CADPS2: variants seen among roughly 807,000 people sequenced by gnomAD.
The protein encoded by CADPS2 is calcium dependent secretion activator 2.
A neutral mutation model predicts 172.5 loss-of-function variants in CADPS2; 93 were observed. That is an observed-to-expected ratio of 0.54 (90% CI 0.46 to 0.64). The LOEUF (loss-of-function observed/expected upper bound fraction) is 0.64. Ranked by LOEUF, CADPS2 falls within the 30% of genes least tolerant of loss-of-function variation. The probability of loss-of-function intolerance (pLI) is 0.00; values close to 1 mark genes in which losing one functional copy is unlikely to be tolerated. For missense variants in CADPS2, 1,420 were observed against 1,565.9 expected, an observed-to-expected ratio of 0.91 and a Z score of 1.57; for synonymous variants, 546 against 555.2, an observed-to-expected ratio of 0.98 and a Z score of 0.23.
At chr7:122,414,304 T>C (rs2047636814) in intron 18 of CADPS2, among the ~76,000 whole-genome samples, 1 of 152,188 alleles carries the variant, frequency 6.6e-6, no homozygotes, top group Admixed American at 6.6e-5. Flanking sequence ...TTGACAAGCA[T>C]TTTAGTGATT....
chr7:122,839,166 C>G (rs571541600), intron 1 of CADPS2, among the ~76,000 whole-genome samples: 1 of 152,228 alleles, frequency 6.6e-6, no homozygotes, highest in East Asian at 1.9e-4. Flanking sequence ...CTGACAAAAA[C>G]AAGAAATGGG....
chr7:122,401,859 G>C (rs112196785), intron 20 of CADPS2, among the ~76,000 whole-genome samples: 2,142 of 152,036 alleles, frequency 0.014, 41 homozygotes, highest in African/African-American at 0.049. Context: ...GTGAGGGGTG[G>C]GACATTGGGG....
At chr7:122,681,114 C>A (rs1315019420) in intron 2 of CADPS2, among the ~76,000 whole-genome samples, 1 of 124,824 alleles carries the variant, frequency 8.0e-6, no homozygotes, top group Admixed American at 1.1e-4. Context: ...GAACATCACA[C>A]TCTGGGGACT....
At chr7:122,708,532 T>G (rs1486777972) in intron 2 of CADPS2, among the ~76,000 whole-genome samples, 1 of 2,298 alleles carries the variant, frequency 4.4e-4, no homozygotes, top group African/African-American at 1.3e-3. Flanking sequence ...TATATATATA[T>G]ATATATATAT....
chr7:122,381,542 A>G (rs913952536), intron 24 of CADPS2, among the ~76,000 whole-genome samples: 7 of 152,146 alleles, frequency 4.6e-5, no homozygotes, highest in Admixed American at 3.3e-4. Flanking sequence ...GAGCTTCTAC[A>G]TGTTAAACTT....
At chr7:122,746,945 G>A (rs1427145976) in intron 1 of CADPS2, among the ~76,000 whole-genome samples, 1 of 152,062 alleles carries the variant, frequency 6.6e-6, no homozygotes, top group East Asian at 1.9e-4. Context: ...TCTGCTTTAG[G>A]ACTCTCTTAT....
intron 20 of CADPS2, among the ~76,000 whole-genome samples, chr7:122,403,162 G>A (rs1401085289): frequency 6.6e-6 from 1 of 152,176 alleles, no homozygotes; most frequent in Non-Finnish European, 1.5e-5. Flanking sequence ...GTATCACCAA[G>A]GGTGATATTA....
intron 3 of CADPS2, among the ~76,000 whole-genome samples, chr7:122,642,751 A>C (rs944720980): frequency 3.3e-5 from 5 of 152,084 alleles, no homozygotes; most frequent in Non-Finnish European, 7.4e-5. Flanking sequence ...CCTTATGTTA[A>C]CATTGTCAAT....
At position 122,335,098 on chromosome 7, in the gene CADPS2, A is replaced by G. The variant is rs149823701; in HGVS notation, c.3613-9517T>C. Among the ~76,000 whole-genome samples the G allele has an allele frequency of 6.5e-3, 988 of 152,278 alleles. 11 individuals are homozygous for G. Among genetic ancestry groups the G allele is most frequent in the African/African-American group, 0.022 (905 of 41,552 alleles). On this transcript the variant is annotated intron_variant, in intron 28 of 29. Transcript: ENST00000449022. Reference sequence around the variant, plus strand: ...CAAGACCTGAAGTTTTAATCTCAACATTTCCCACCATTTTTTACACATAGT... The same window carrying G: ...CAAGACCTGAAGTTTTAATCTCAACGTTTCCCACCATTTTTTACACATAGT...
At chr7:122,348,059 G>C (rs2037961773) in intron 27 of CADPS2, among the ~76,000 whole-genome samples, 1 of 152,118 alleles carries the variant, frequency 6.6e-6, no homozygotes, top group South Asian at 2.1e-4. Context: ...AGTTGAACTG[G>C]GAGTTGAAGA....
chr7:122,419,044 C>G (rs1345085762), intron 17 of CADPS2, among the ~76,000 whole-genome samples: 1 of 152,112 alleles, frequency 6.6e-6, no homozygotes, highest in Non-Finnish European at 1.5e-5. Flanking sequence ...TCTCTGAGCT[C>G]CCCTATTACA....
chr7:122,544,092 G>A (rs1439264377), intron 8 of CADPS2, among the ~76,000 whole-genome samples: 1 of 152,036 alleles, frequency 6.6e-6, no homozygotes, highest in African/African-American at 2.4e-5. Flanking sequence ...CCACTCAAGA[G>A]AAACTATGCA....
chr7:122,755,948 A>C (rs1225662545), intron 1 of CADPS2, among the ~76,000 whole-genome samples: 1 of 152,196 alleles, frequency 6.6e-6, no homozygotes, highest in Non-Finnish European at 1.5e-5. Context: ...ATATAATAAA[A>C]TCCAAGCTGC....
In CADPS2 at chr7:122,358,124, G is replaced by C. The variant is rs78232637; in HGVS notation, c.3504+2664C>G. ...GAGTTCCTGTTGCTCTCTTATCCTC[G>C]TCAACATTTTGCTGTTGCCAGTTTG... is the stretch of plus-strand genomic sequence containing the variant. On this transcript the variant is annotated intron_variant, in intron 27 of 29. Transcript: ENST00000449022. Among the ~76,000 whole-genome samples, 35 of 152,210 alleles carry C rather than the reference G, an allele frequency of 2.3e-4. No homozygotes were observed. The East Asian group carries it at 5.8e-3, about 25-fold the overall frequency.
At chr7:122,758,470 C>T (rs558851984) in intron 1 of CADPS2, among the ~76,000 whole-genome samples, 2 of 152,090 alleles carry the variant, frequency 1.3e-5, no homozygotes, top group African/African-American at 4.8e-5. Flanking sequence ...ATTTTAAAGG[C>T]CTCTTATATT....
At chr7:122,480,881 G>A in intron 11 of CADPS2, 21 bp from the exon 12 acceptor site, 7 of 1,512,780 alleles carry the variant, frequency 4.6e-6, no homozygotes, top group Non-Finnish European at 6.2e-6. Context: ...GCAAAGAAAT[G>A]AGAAACAAAG....
chr7:122,603,328 T>C (rs2073051123), intron 6 of CADPS2, among the ~76,000 whole-genome samples: 1 of 147,348 alleles, frequency 6.8e-6, no homozygotes, highest in African/African-American at 2.7e-5. Flanking sequence ...AAAATAACGT[T>C]TGCAGTTTGG....
At chr7:122,507,858 A>G (rs1463808877) in intron 9 of CADPS2, among the ~76,000 whole-genome samples, 2 of 152,178 alleles carry the variant, frequency 1.3e-5, no homozygotes, top group Admixed American at 6.6e-5. Context: ...TGGAACAGCA[A>G]TCTTTTCTGC....
chr7:122,351,642 G>T (rs1350062409), intron 27 of CADPS2, among the ~76,000 whole-genome samples: 1 of 151,802 alleles, frequency 6.6e-6, no homozygotes, highest in African/African-American at 2.4e-5. Context: ...CATTTCTAAG[G>T]GGCTGTTCCA....
Sources: allele counts gnomAD v4.1 joint callset (sites outside exome capture counted in the v4.1 genomes callset), GRCh38; gene constraint gnomAD v4.1.1; transcripts MANE v1.5; gene names NCBI Gene and HGNC (gene_info 2026-07-23, HGNC 2026-07-21).